ERC2: variants seen among roughly 807,000 people sequenced by gnomAD.
ERC2 encodes ELKS/RAB6-interacting/CAST family member 2, also known as ERC protein 2.
Under a neutral mutation model 114.8 loss-of-function variants are expected in ERC2, and 42 were observed. The ratio of observed to expected loss-of-function variants is 0.37; its 90% CI spans 0.29 to 0.47. The LOEUF is 0.47. Ranked by LOEUF, ERC2 falls within the 20% of genes least tolerant of loss-of-function variation. ERC2 has a pLI of 0.99. For synonymous variants in ERC2, 454 were observed against 425.5 expected, an observed-to-expected ratio of 1.07 and a Z score of -0.82; for missense variants, 939 against 1,150.7, an observed-to-expected ratio of 0.82 and a Z score of 2.66.
At chr3:56,112,265 G>C (rs865834502) in intron 6 of ERC2, among the ~76,000 whole-genome samples, 2 of 152,158 alleles carry the variant, frequency 1.3e-5, no homozygotes, top group Admixed American at 1.3e-4. Flanking sequence ...TCTTGACTCT[G>C]CTTTCTTGCC....
chr3:55,574,665 G>A (rs910449970), intron 17 of ERC2, among the ~76,000 whole-genome samples: 1 of 152,154 alleles, frequency 6.6e-6, no homozygotes, highest in African/African-American at 2.4e-5. Flanking sequence ...GAGCCACTGA[G>A]GATTTAAGAA....
At position 55,511,132 on chromosome 3, in the gene ERC2, C is replaced by G. The variant is rs139132132; in HGVS notation, c.*184G>C. On this transcript the variant is annotated 3_prime_UTR_variant, in exon 18 of 18. Coordinates refer to ENST00000288221, the MANE Select transcript of ERC2 (RefSeq NM_015576.3). ...GGAAATATCAAGTAGAACAGAATCA[C>G]GCTCAATAAGGTAAGTGAAAACTCC... The G allele has an allele frequency of 4.6e-5, 7 of 152,558 alleles. No homozygotes were observed. Among genetic ancestry groups the G allele is most frequent in the Admixed American group, 3.3e-4 (5 of 15,268 alleles). 9.5% of individuals were successfully genotyped at this position (152,558 alleles called of 1,614,324 possible). A position where few individuals can be genotyped will look rare whatever the true frequency, so the allele number is the denominator to read the frequency against.
At chr3:56,380,645 A>C (rs2059713660) in intron 2 of ERC2, among the ~76,000 whole-genome samples, 1 of 152,210 alleles carries the variant, frequency 6.6e-6, no homozygotes, top group Admixed American at 6.5e-5. Context: ...CAATACAAAC[A>C]TCCAACCAAC....
intron 11 of ERC2, among the ~76,000 whole-genome samples, chr3:55,986,712 A>G (rs1394381558): frequency 2.0e-5 from 3 of 152,070 alleles, no homozygotes; most frequent in Admixed American, 2.0e-4. Flanking sequence ...GAAAATATCA[A>G]GTTATAATAC....
At chr3:56,383,521 C>T (rs1453781632) in intron 2 of ERC2, among the ~76,000 whole-genome samples, 4 of 152,318 alleles carry the variant, frequency 2.6e-5, no homozygotes, top group South Asian at 2.1e-4. Context: ...ATATTCCCAA[C>T]ATCTATCACA....
chr3:55,675,984 G>A (rs1358931796), intron 17 of ERC2, among the ~76,000 whole-genome samples: 9 of 124,832 alleles, frequency 7.2e-5, no homozygotes, highest in East Asian at 2.5e-4. Context: ...GCAATGGCAC[G>A]GTCTCTGCTC....
At chr3:55,740,755 A>G (rs1393126178) in intron 14 of ERC2, among the ~76,000 whole-genome samples, 2 of 152,292 alleles carry the variant, frequency 1.3e-5, no homozygotes, top group East Asian at 3.9e-4. Context: ...TTTTTGAAGC[A>G]AGAAGTTTTT....
chr3:55,721,441 C>T (rs973247540), intron 15 of ERC2, among the ~76,000 whole-genome samples: 1 of 152,256 alleles, frequency 6.6e-6, no homozygotes, highest in Non-Finnish European at 1.5e-5. Context: ...AAGGCCTTGT[C>T]ATAGATCAAG....
At chr3:56,394,043 A>AT (rs2106872132) in intron 2 of ERC2, among the ~76,000 whole-genome samples, 1 of 152,278 alleles carries the variant, frequency 6.6e-6, no homozygotes, top group African/African-American at 2.4e-5. Context: ...TAAGTAGAGA[A>AT]TTTTCTCTAC....
chr3:56,067,516 A>G (rs2076537369), intron 7 of ERC2, among the ~76,000 whole-genome samples: 1 of 152,052 alleles, frequency 6.6e-6, no homozygotes, highest in Non-Finnish European at 1.5e-5. Flanking sequence ...TTACTTCCTC[A>G]TTTCCTATTT....
intron 3 of ERC2, among the ~76,000 whole-genome samples, chr3:56,274,514 G>GA (rs11331987): frequency 9.9e-5 from 15 of 151,402 alleles, no homozygotes; most frequent in South Asian, 2.1e-4. Context: ...GCATTTGGTT[G>GA]AAAAAAAAAA....
intron 12 of ERC2, among the ~76,000 whole-genome samples, chr3:55,965,348 A>C (rs1178373370): frequency 6.6e-6 from 1 of 152,232 alleles, no homozygotes; most frequent in Non-Finnish European, 1.5e-5. Context: ...CAACTGTAAA[A>C]GTGATTTTTA....
intron 13 of ERC2, among the ~76,000 whole-genome samples, chr3:55,894,392 C>T (rs1408745115): frequency 1.3e-5 from 2 of 151,940 alleles, no homozygotes; most frequent in African/African-American, 4.8e-5. Context: ...TATTAAAATG[C>T]CCAGAAGAAG....
intron 1 of ERC2, among the ~76,000 whole-genome samples, chr3:56,452,011 T>C (rs2062846286): frequency 6.6e-6 from 1 of 152,166 alleles, no homozygotes; most frequent in African/African-American, 2.4e-5. Context: ...TTTTTTAACC[T>C]GGACAAGAAC....
rs181905073 is a variant in ERC2 at position 55,763,647 on chromosome 3, T to C, written c.2565-28729A>G. Among the ~76,000 whole-genome samples the C allele has an allele frequency of 5.8e-4, 89 of 152,306 alleles. 1 individual carries two copies. The highest frequency in any genetic ancestry group is 3.1e-3 in the Admixed American group (48 of 15,298). ...CAGCACATAGAAGTTATTCAGTAAATAGTATAGACACAGACTTTCTGACTT... is the reference window on the plus strand; with the variant it reads ...CAGCACATAGAAGTTATTCAGTAAACAGTATAGACACAGACTTTCTGACTT... On this transcript the variant is annotated intron_variant, in intron 14 of 17. Transcript: ENST00000288221.
chr3:55,534,527 C>G (rs1178991218), intron 17 of ERC2, among the ~76,000 whole-genome samples: 4 of 151,664 alleles, frequency 2.6e-5, no homozygotes, highest in African/African-American at 9.7e-5. Flanking sequence ...AAGCCTGCCT[C>G]TACAAAAAAA....
chr3:55,612,009 G>A (rs978839453), intron 17 of ERC2, among the ~76,000 whole-genome samples: 1 of 152,100 alleles, frequency 6.6e-6, no homozygotes, highest in Admixed American at 6.5e-5. Context: ...AGTTCTCAGG[G>A]TACACTCTTC....
chr3:56,164,317 C>T (rs552790010), intron 4 of ERC2, among the ~76,000 whole-genome samples: 3 of 151,982 alleles, frequency 2.0e-5, no homozygotes, highest in African/African-American at 7.2e-5. Flanking sequence ...TTTGCCTACA[C>T]TGGACATTTA....
intron 2 of ERC2, among the ~76,000 whole-genome samples, chr3:56,310,560 T>TCCC (rs1192427407): frequency 6.6e-6 from 1 of 152,206 alleles, no homozygotes; most frequent in Non-Finnish European, 1.5e-5. Context: ...ATATTAACTT[T>TCCC]CCCCTACTCT....
Sources: gnomAD v4.1 joint callset for allele counts (sites outside exome capture counted in the v4.1 genomes callset) on GRCh38, gnomAD v4.1.1 for gene constraint, MANE v1.5 for transcripts, NCBI Gene and HGNC (gene_info 2026-07-23, HGNC 2026-07-21) for gene names.